The following TTC13 variants were observed in gnomAD, a reference collection of about 807,000 sequenced individuals.
TTC13 encodes tetratricopeptide repeat domain 13, also known as tetratricopeptide repeat protein 13.
Under a neutral mutation model 120.0 loss-of-function variants are expected in TTC13, and 62 were observed. That is an observed-to-expected ratio of 0.52 (90% CI 0.42 to 0.64). TTC13 has a LOEUF of 0.64. Among genes scored for constraint, TTC13 ranks in the 30% least tolerant of loss-of-function variants. The pLI is 0.00. For missense variants in TTC13, 824 were observed against 1,050.2 expected (o/e 0.78, Z 2.98); for synonymous variants, 384 against 393.5 (o/e 0.98, Z 0.28).
At position 230,978,232 on chromosome 1, in the gene TTC13, G is replaced by A. The variant is rs1174708134; in HGVS notation, c.271+328C>T. On this transcript the variant is annotated intron_variant, in intron 1 of 22. Transcript: ENST00000366661. The surrounding 1 kb of genome is among the most constrained non-coding windows in gnomAD (Gnocchi z 5.6). ...TCGGGAGGCCGGCGGCGGGAACAGG[G>A]CTGCCCCGGGCCACCTGCCATCTCC... is the stretch of plus-strand genomic sequence containing the variant. Among the ~76,000 whole-genome samples the A allele has an allele frequency of 6.6e-6, 1 of 152,140 alleles. No individual in the cohort carries two copies. Among genetic ancestry groups the A allele is most frequent in the Non-Finnish European group, 1.5e-5 (1 of 68,008 alleles).
rs1207273674 is a variant in TTC13 at position 230,918,671 on chromosome 1, G to C, written c.1983+1839C>G. Among the ~76,000 whole-genome samples, 4 of 152,166 alleles carry C rather than the reference G, an allele frequency of 2.6e-5. No individual in the cohort carries two copies. In the East Asian group the frequency reaches 7.7e-4, roughly 29 times the overall value. ...CCCTCACAATAAACTCCACGAGGTA[G>C]GTCTGGCCACAATATTTGGTCTTCA... On this transcript the variant is annotated intron_variant, in intron 17 of 22. Transcript: ENST00000366661.
rs540051938 is a variant in TTC13 at position 230,944,648 on chromosome 1, AT to A, written c.579+740del. Among the ~76,000 whole-genome samples, 1,125 of 152,256 alleles carry A rather than the reference AT, an allele frequency of 7.4e-3. 10 individuals are homozygous for A. Among genetic ancestry groups the A allele is most frequent in the African/African-American group, 0.025 (1,056 of 41,572 alleles). On this transcript the variant is annotated intron_variant, in intron 5 of 22. Transcript: ENST00000366661. This position sits in a 1 kb window ranked among gnomAD's most constrained non-coding sequence, Gnocchi z 4.0. ...AGGTTAGTATAATATTAATTGTAAT[AT>A]TTTATAAATTGTAATAAAATAAAAA... is the stretch of plus-strand genomic sequence containing the variant.
chr1:230,908,923 C>T lies in TTC13; in HGVS notation c.2388+19G>A, dbSNP rs1445492032. 2.5e-6 allele frequency: 4 copies of T among 1,613,704 alleles called. No individual in the cohort carries two copies. The highest frequency in any genetic ancestry group is 1.3e-5 in the African/African-American group (1 of 74,910). On this transcript the variant is annotated intron_variant, in intron 21 of 22. Coordinates refer to ENST00000366661, the MANE Select transcript of TTC13 (RefSeq NM_024525.5). ...CTTAATACATAACCAAGCATTTCTC[C>T]CTTCCCGCTCCAACATACCTTCCCT...
At chr1:230,939,580 A>G in intron 7 of TTC13, 84 bp from the exon 8 acceptor site, 1 of 854,874 alleles carries the variant, frequency 1.2e-6, no homozygotes, top group Non-Finnish European at 1.8e-6. Context: ...GGTAGAGAAA[A>G]AAAATCTCAA....
In TTC13 at chr1:230,972,352, T is replaced by C. The variant is rs148604189; in HGVS notation, c.271+6208A>G. On this transcript the variant is annotated intron_variant, in intron 1 of 22. Coordinates refer to ENST00000366661, the MANE Select transcript of TTC13 (RefSeq NM_024525.5). ...TTGAGCTATCTACACTTAGGACATATGCACTCTCCTGTATATATGTTGTAT... is the reference window on the plus strand; with the variant it reads ...TTGAGCTATCTACACTTAGGACATACGCACTCTCCTGTATATATGTTGTAT... Among the ~76,000 whole-genome samples the C allele has an allele frequency of 6.1e-3, 922 of 152,370 alleles. 12 individuals are homozygous for C. Among genetic ancestry groups the C allele is most frequent in the African/African-American group, 0.021 (864 of 41,592 alleles).
chr1:230,922,995 G>C (rs181645239), intron 15 of TTC13, among the ~76,000 whole-genome samples: 15 of 152,124 alleles, frequency 9.9e-5, no homozygotes, highest in Admixed American at 9.8e-4. Flanking sequence ...AAGGTGAAAA[G>C]AAATTTGTTT....
chr1:230,920,250 T>G, intron 17 of TTC13: 1 of 268,664 alleles, frequency 3.7e-6, no homozygotes, highest in Non-Finnish European at 7.1e-6. Flanking sequence ...TGAGTACCAG[T>G]TACTCAGCTG....
At chr1:230,912,157 AAAG>A (rs1023948371) in intron 19 of TTC13, among the ~76,000 whole-genome samples, 4 of 152,150 alleles carry the variant, frequency 2.6e-5, no homozygotes, top group Admixed American at 6.5e-5. Flanking sequence ...GCAGACAACC[AAAG>A]AAGAAGGCCA....
At chr1:230,916,145 C>G (rs1322459806) in intron 18 of TTC13, 48 bp downstream of exon 18, 2 of 1,367,776 alleles carry the variant, frequency 1.5e-6, no homozygotes, top group Non-Finnish European at 2.1e-6. Context: ...CACAGGCACC[C>G]TTCCTGCCTC....
intron 3 of TTC13, among the ~76,000 whole-genome samples, chr1:230,955,777 C>A (rs1369613276): frequency 6.6e-6 from 1 of 151,802 alleles, no homozygotes; most frequent in Non-Finnish European, 1.5e-5. Flanking sequence ...AAATTGAACA[C>A]CATAATAATA....
At chr1:230,938,151 T>C (rs559527540) in intron 8 of TTC13, among the ~76,000 whole-genome samples, 32 of 152,328 alleles carry the variant, frequency 2.1e-4, no homozygotes, top group Non-Finnish European at 3.8e-4. Context: ...CTGCCACACA[T>C]TACTAAATTT....
At chr1:230,935,860 G>A (rs1462389213) in intron 8 of TTC13, among the ~76,000 whole-genome samples, 1 of 152,198 alleles carries the variant, frequency 6.6e-6, no homozygotes, top group East Asian at 1.9e-4. Context: ...AAGTGTCTCT[G>A]AGGAGAGAAA....
At chr1:230,911,653 GT>G (rs1327886180) in intron 19 of TTC13, 104 bp from the exon 20 acceptor site, 4 of 613,708 alleles carry the variant, frequency 6.5e-6, no homozygotes, top group Non-Finnish European at 7.9e-6. Flanking sequence ...GAAGAGGATT[GT>G]TTTCTTCCTC....
At chr1:230,934,683 G>A (rs898656335) in intron 8 of TTC13, among the ~76,000 whole-genome samples, 7 of 152,112 alleles carry the variant, frequency 4.6e-5, no homozygotes, top group African/African-American at 9.7e-5. Flanking sequence ...AAAAAATTAC[G>A]ACTATATAGC....
In TTC13 at chr1:230,939,490, C is replaced by T; in HGVS notation, c.796G>A (p.Ala266Thr). 1 of 1,602,296 alleles carries T rather than the reference C, an allele frequency of 6.2e-7. No individual in the cohort carries two copies. The highest frequency in any genetic ancestry group is 8.5e-7 in the Non-Finnish European group (1 of 1,170,922). ...TGCTGAAAGTCTTCATGGGCTGTTG[C>T]ATAGTCCTACAAAAAGGAGAGTGGG... ...GTLYFISEDY[A>T]TAHEDFQQSL... The change falls in exon 8 of 23, where the codon GCA (alanine) becomes ACA (threonine). Residue 266 changes from alanine to threonine, a missense_variant. This residue lies in a region of TTC13 where 430 missense variants were observed against 626.8 expected (regional missense o/e 0.69). Coordinates refer to ENST00000366661, the MANE Select transcript of TTC13 (RefSeq NM_024525.5).
chr1:230,912,746 T>C lies in TTC13; in HGVS notation c.2106A>G (p.Ile702Met). The C allele has an allele frequency of 6.2e-7, 1 of 1,610,128 alleles. No homozygotes were observed. Among genetic ancestry groups the C allele is most frequent in the African/African-American group, 1.3e-5 (1 of 74,892 alleles). The change falls in exon 19 of 23, where the codon ATA becomes ATG. Residue 702 changes from isoleucine (I) to methionine (M), a missense_variant. Physicochemically the swap from Ile to Met is conservative, Grantham distance 10. Around this residue, in one of 4 missense-constraint regions of TTC13, gnomAD observed 226 missense variants for 259.1 expected, o/e 0.87. Transcript: ENST00000366661. ...TGGTTTGAGTTTCCACAGAAAATAA[T>C]ATATTGCCAACTCTGAAAATACAAA... Reference protein sequence around the residue: ...ITITGDKVGNILFSVETQTTE... With the variant: ...ITITGDKVGNMLFSVETQTTE...
intron 3 of TTC13, chr1:230,956,422 A>T (rs764729871): frequency 9.6e-6 from 2 of 208,604 alleles, no homozygotes; most frequent in Non-Finnish European, 2.0e-5. Context: ...GCCACTCACC[A>T]GCCGTGTGAT....
intron 14 of TTC13, 35 bp downstream of exon 14, chr1:230,924,806 G>A (rs1298799366): frequency 6.2e-7 from 1 of 1,612,908 alleles, no homozygotes; most frequent in Non-Finnish European, 8.5e-7. Context: ...ACAATGATAA[G>A]ACTTATAGTT....
intron 18 of TTC13, among the ~76,000 whole-genome samples, chr1:230,913,628 C>T (rs932998334): frequency 1.3e-5 from 2 of 152,172 alleles, no homozygotes; most frequent in African/African-American, 4.8e-5. Flanking sequence ...TGGTATGAGC[C>T]ACCACTTCTG....
Sources: gnomAD v4.1 joint callset for allele counts (sites outside exome capture counted in the v4.1 genomes callset) on GRCh38, gnomAD v4.1.1 for gene constraint, gnomAD v4.1.1 regional missense constraint, Gnocchi (gnomAD v3.1) non-coding constraint, MANE v1.5 for transcripts, NCBI Gene and HGNC (gene_info 2026-07-23, HGNC 2026-07-21) for gene names.